The following RHOU variants were observed in gnomAD, a reference collection of about 807,000 sequenced individuals.
RHOU encodes rho-related GTP-binding protein RhoU.
In RHOU, 8 loss-of-function variants were observed where a neutral mutation model predicts 12.6. The ratio of observed to expected loss-of-function variants is 0.64; its 90% CI spans 0.37 to 1.15. The LOEUF is 1.15. Among genes scored for constraint, RHOU ranks in the 50% most tolerant of loss-of-function variants. The pLI, the probability that RHOU is intolerant of heterozygous loss-of-function variation, is 0.01. For missense variants in RHOU, 258 were observed against 347.0 expected (o/e 0.74, Z 2.04); for synonymous variants, 161 against 147.4 (o/e 1.09, Z -0.67).
At chr1:228,653,108 A>C in the RHOU span, among the ~76,000 whole-genome samples, 222 of 152,336 alleles carry the variant, frequency 1.5e-3, no homozygotes, top group African/African-American at 5.2e-3. Context: ...ACTGTAAACA[A>C]AGTCTAAAGT....
chr1:228,734,297 T>C (rs1477837054), upstream of RHOU, among the ~76,000 whole-genome samples: 2 of 152,196 alleles, frequency 1.3e-5, no homozygotes, highest in African/African-American at 4.8e-5. Flanking sequence ...GATTCAAGCT[T>C]CTAACTTCTT....
At chr1:228,684,316 T>C in the RHOU span, among the ~76,000 whole-genome samples, 3 of 149,812 alleles carry the variant, frequency 2.0e-5, no homozygotes, top group Admixed American at 2.0e-4. Context: ...AGATTACCCA[T>C]GTGAGCCACT....
chr1:228,712,161 CAG>C, the RHOU span, among the ~76,000 whole-genome samples: 17 of 152,076 alleles, frequency 1.1e-4, no homozygotes, highest in Non-Finnish European at 2.1e-4. Context: ...CAGGAAATAA[CAG>C]GTGCTGGAGA....
the RHOU span, chr1:228,650,897 T>G: frequency 2.6e-6 from 1 of 380,456 alleles, no homozygotes; most frequent in South Asian, 2.2e-5. Flanking sequence ...CCCACCTACA[T>G]ACGAATGGAT....
the RHOU span, among the ~76,000 whole-genome samples, chr1:228,715,389 G>A: frequency 6.6e-6 from 1 of 151,922 alleles, no homozygotes; most frequent in Admixed American, 6.6e-5. Flanking sequence ...CTTAGAGAAA[G>A]CTTTTACATT....
chr1:228,651,620 C>T, the RHOU span, among the ~76,000 whole-genome samples: 43 of 152,158 alleles, frequency 2.8e-4, no homozygotes, highest in Non-Finnish European at 5.6e-4. Context: ...TACTTCCAGA[C>T]CCCCTGCCCT....
the RHOU span, among the ~76,000 whole-genome samples, chr1:228,659,966 CAAAA>C: frequency 1.3e-5 from 1 of 76,712 alleles, no homozygotes; most frequent in African/African-American, 4.8e-5. Context: ...AAAAAAAAAA[CAAAA>C]AAAAAAAAAA....
At chr1:228,724,323 C>G in the RHOU span, among the ~76,000 whole-genome samples, 1 of 152,082 alleles carries the variant, frequency 6.6e-6, no homozygotes. Flanking sequence ...GTGTTCCCCC[C>G]CAGATTTATT....
chr1:228,692,584 T>C, the RHOU span, among the ~76,000 whole-genome samples: 3 of 152,138 alleles, frequency 2.0e-5, no homozygotes, highest in East Asian at 5.8e-4. Context: ...TTTTCTTTTC[T>C]GGCGATTCTA....
the RHOU span, among the ~76,000 whole-genome samples, chr1:228,706,554 G>A: frequency 6.6e-6 from 1 of 152,218 alleles, no homozygotes; most frequent in African/African-American, 2.4e-5. Context: ...TGTTTACATA[G>A]CCACATCTCA....
chr1:228,651,193 TC>T, the RHOU span: 1 of 204,960 alleles, frequency 4.9e-6, no homozygotes, highest in Admixed American at 5.4e-5. Flanking sequence ...CCACACCCAA[TC>T]CCTAGCTTCC....
chr1:228,742,157 T>C (rs922623225), intron 2 of RHOU, among the ~76,000 whole-genome samples: 5 of 152,224 alleles, frequency 3.3e-5, no homozygotes, highest in East Asian at 1.9e-4. Flanking sequence ...CCAACAGATA[T>C]ACATTTTACA....
chr1:228,667,471 C>T, the RHOU span, among the ~76,000 whole-genome samples: 1 of 152,192 alleles, frequency 6.6e-6, no homozygotes, highest in Non-Finnish European at 1.5e-5. Context: ...CTTAAACACA[C>T]TTGCATCCAC....
At chr1:228,655,615 G>A in the RHOU span, among the ~76,000 whole-genome samples, 8 of 152,068 alleles carry the variant, frequency 5.3e-5, no homozygotes, top group African/African-American at 1.7e-4. Context: ...CTCAAATGTG[G>A]CAAAAAAGGG....
At chr1:228,687,762 G>A in the RHOU span, 351 of 1,393,328 alleles carry the variant, frequency 2.5e-4, 1 homozygote, top group African/African-American at 4.5e-3. Context: ...GGGAGCGCCC[G>A]AATCTGGCTC....
At chr1:228,730,593 C>A (rs113428851), upstream of RHOU, among the ~76,000 whole-genome samples, 849 of 152,308 alleles carry the variant, frequency 5.6e-3, 11 homozygotes, top group African/African-American at 0.019. Flanking sequence ...GAAGGAAATT[C>A]TGGGAGCAGA....
the RHOU span, among the ~76,000 whole-genome samples, chr1:228,710,712 T>C: frequency 1.3e-5 from 2 of 150,254 alleles, no homozygotes; most frequent in African/African-American, 2.4e-5. Flanking sequence ...TCATACTGAA[T>C]GGGCAAAAAC....
In RHOU at chr1:228,744,922, G is replaced by A. The variant is rs995097829; in HGVS notation, c.*1182G>A. The A allele has an allele frequency of 2.6e-5, 4 of 152,100 alleles. No homozygotes were observed. The highest frequency in any genetic ancestry group is 2.0e-4 in the Admixed American group (3 of 15,274). The allele number at this position is 152,100 out of a possible 1,614,324, so 9.4% of individuals were successfully genotyped here. A position where few individuals can be genotyped will look rare whatever the true frequency, so the allele number is the denominator to read the frequency against. ...CAACATCTTTTTTATTATATTCAGA[G>A]TATGTTTTTAAGTGTATCTTAATAT... On this transcript the variant is annotated 3_prime_UTR_variant, in exon 3 of 3. Coordinates refer to ENST00000366691, the MANE Select transcript of RHOU (RefSeq NM_021205.6).
chr1:228,664,236 C>G, the RHOU span, among the ~76,000 whole-genome samples: 15 of 102,420 alleles, frequency 1.5e-4, no homozygotes, highest in Non-Finnish European at 2.8e-4. Flanking sequence ...CCAGGCTGGT[C>G]TCGAACTCCT....
Sources: allele counts gnomAD v4.1 joint callset (sites outside exome capture counted in the v4.1 genomes callset), GRCh38; gene constraint gnomAD v4.1.1; transcripts MANE v1.5; gene names NCBI Gene and HGNC (gene_info 2026-07-23, HGNC 2026-07-21).